The following VAT1L variants were observed in gnomAD, a reference collection of about 807,000 sequenced individuals.
VAT1L encodes the protein vesicle amine transport 1 like.
A neutral mutation model predicts 44.1 loss-of-function variants in VAT1L; 34 were observed. The observed-to-expected ratio is 0.77, with a 90% confidence interval of 0.59 to 1.03. The LOEUF (loss-of-function observed/expected upper bound fraction) is 1.03, where lower values mean the gene tolerates loss of function less well. VAT1L is among the 50% of genes least tolerant of loss of function. The pLI, the probability that VAT1L is intolerant of heterozygous loss-of-function variation, is 0.00. For missense variants in VAT1L, 615 were observed against 538.8 expected (o/e 1.14, Z -1.40); for synonymous variants, 253 against 202.2 (o/e 1.25, Z -2.13).
At chr16:77,931,499 T>A (rs1221644634) in intron 7 of VAT1L, among the ~76,000 whole-genome samples, 1 of 152,148 alleles carries the variant, frequency 6.6e-6, no homozygotes, top group African/African-American at 2.4e-5. Context: ...GAAAGAAGGG[T>A]TCTGTGGTGA....
intron 7 of VAT1L, among the ~76,000 whole-genome samples, chr16:77,916,126 G>T (rs1342846647): frequency 6.6e-6 from 1 of 152,188 alleles, no homozygotes; most frequent in East Asian, 1.9e-4. Flanking sequence ...GAAGAAATGG[G>T]GGTAGTAGCA....
At chr16:77,903,101 C>A (rs1371815590) in intron 7 of VAT1L, among the ~76,000 whole-genome samples, 1 of 152,010 alleles carries the variant, frequency 6.6e-6, no homozygotes, top group African/African-American at 2.4e-5. Context: ...TGAGAATAGT[C>A]CATCTTTGTT....
chr16:77,965,234 G>A (rs1208782874), intron 7 of VAT1L, among the ~76,000 whole-genome samples: 4 of 150,592 alleles, frequency 2.7e-5, no homozygotes, highest in African/African-American at 1.0e-4. Context: ...ATAAATAAAT[G>A]AATGAATGAA....
chr16:77,935,499 T>TAAAA (rs35559626), intron 7 of VAT1L, among the ~76,000 whole-genome samples: 4 of 115,810 alleles, frequency 3.5e-5, no homozygotes, highest in Non-Finnish European at 3.7e-5. Flanking sequence ...TGACGGTTTA[T>TAAAA]AAAAAAAAAA....
At chr16:77,809,562 A>G (rs2016228167) in intron 1 of VAT1L, among the ~76,000 whole-genome samples, 1 of 152,192 alleles carries the variant, frequency 6.6e-6, no homozygotes, top group South Asian at 2.1e-4. Context: ...AGACTCTCAG[A>G]GCTGGGGCCA....
intron 1 of VAT1L, among the ~76,000 whole-genome samples, chr16:77,811,049 A>T (rs1284309252): frequency 6.6e-6 from 1 of 152,210 alleles, no homozygotes; most frequent in African/African-American, 2.4e-5. Context: ...AAAATATAGG[A>T]TGAGGCTCTA....
At chr16:77,790,749 G>C (rs973711437) in intron 1 of VAT1L, among the ~76,000 whole-genome samples, 1 of 152,254 alleles carries the variant, frequency 6.6e-6, no homozygotes, top group Non-Finnish European at 1.5e-5. Context: ...TATTCAGAGA[G>C]GGAAAATGAT....
chr16:77,930,498 G>A (rs1242207089), intron 7 of VAT1L, among the ~76,000 whole-genome samples: 1 of 152,200 alleles, frequency 6.6e-6, no homozygotes, highest in Admixed American at 6.5e-5. Context: ...GTGTGAGGTA[G>A]ATAACCCCTC....
Position 77,884,720 on chromosome 16 carries a change from G to A in VAT1L, c.995G>A (p.Arg332Gln), listed in dbSNP as rs143077114. Residue 332 changes from arginine (R) to glutamine (Q), a missense_variant, in exon 7 of 9, where the codon CGG becomes CAG. Transcript: ENST00000302536. This position sits in a 1 kb window ranked among gnomAD's most constrained non-coding sequence, Gnocchi z 4.5. Reference protein sequence around the residue: ...LFKQGRAGLIRGVVEKLIGLY... With the variant: ...LFKQGRAGLIQGVVEKLIGLY... ...AAACAAGGCCGGGCGGGCCTCATTC[G>A]GGGAGTGGTGGAAAAACTCATAGGG... The A allele has an allele frequency of 4.9e-4, 785 of 1,606,744 alleles. 2 individuals carry two copies. Among genetic ancestry groups the A allele is most frequent in the Non-Finnish European group, 4.6e-4 (540 of 1,176,496 alleles).
At chr16:77,975,093 C>G (rs2018321750) in intron 8 of VAT1L, among the ~76,000 whole-genome samples, 1 of 150,432 alleles carries the variant, frequency 6.6e-6, no homozygotes, top group South Asian at 2.1e-4. Context: ...GGAAACAACT[C>G]AAGCTCCAGG....
chr16:77,821,242 T>C (rs2016448425), intron 2 of VAT1L, among the ~76,000 whole-genome samples: 1 of 152,032 alleles, frequency 6.6e-6, no homozygotes, highest in Admixed American at 6.6e-5. Flanking sequence ...TATAATGGGA[T>C]CTGCATAATT....
intron 1 of VAT1L, among the ~76,000 whole-genome samples, chr16:77,799,492 AC>A: frequency 6.7e-6 from 1 of 148,366 alleles, no homozygotes; most frequent in African/African-American, 2.5e-5. Flanking sequence ...TGACAGCCCC[AC>A]TGGAATACAT....
chr16:77,805,358 A>G (rs1001551755), intron 1 of VAT1L, among the ~76,000 whole-genome samples: 1 of 152,220 alleles, frequency 6.6e-6, no homozygotes, highest in Non-Finnish European at 1.5e-5. Flanking sequence ...ATTTTCTGAG[A>G]TCAATGCCTA....
chr16:77,945,321 CTG>C (rs2017947962), intron 7 of VAT1L, among the ~76,000 whole-genome samples: 2 of 112,480 alleles, frequency 1.8e-5, no homozygotes, highest in Non-Finnish European at 3.4e-5. Flanking sequence ...GTGTCTCACT[CTG>C]TCGTTAATGC....
chr16:77,798,819 G>A (rs1035637395), intron 1 of VAT1L, among the ~76,000 whole-genome samples: 10 of 152,216 alleles, frequency 6.6e-5, no homozygotes, highest in African/African-American at 2.4e-4. Context: ...CTTCTACTGT[G>A]TGCTAGAAAC....
At chr16:77,910,079 T>C (rs2017482396) in intron 7 of VAT1L, among the ~76,000 whole-genome samples, 1 of 152,186 alleles carries the variant, frequency 6.6e-6, no homozygotes, top group Non-Finnish European at 1.5e-5. Context: ...TCAATTAGAG[T>C]TGGAATATTA....
At position 77,879,282 on chromosome 16, in the gene VAT1L, G is replaced by T; in HGVS notation, c.882+58G>T. 2 of 1,564,836 alleles carry T rather than the reference G, an allele frequency of 1.3e-6. No homozygotes were observed. The highest frequency in any genetic ancestry group is 8.8e-7 in the Non-Finnish European group (1 of 1,136,436). On this transcript the variant is annotated intron_variant, in intron 6 of 8. Transcript: ENST00000302536. This position sits in a 1 kb window ranked among gnomAD's most constrained non-coding sequence, Gnocchi z 4.1. The stretch of plus-strand genomic sequence containing the variant: ...TGGCATGTTGATTCACATGTTGAGA[G>T]CTTTGTTTTTGTTTGTTTGTTTGTT...
At chr16:77,855,796 G>C (rs956800588) in intron 3 of VAT1L, among the ~76,000 whole-genome samples, 1 of 152,108 alleles carries the variant, frequency 6.6e-6, no homozygotes, top group Non-Finnish European at 1.5e-5. Context: ...AAGGCGGGCG[G>C]ATCACGAGGT....
rs969908514 is a variant in VAT1L, at chr16:77,905,579, T to C, written c.1077+20777T>C. Among the ~76,000 whole-genome samples the C allele has an allele frequency of 5.3e-5, 8 of 152,322 alleles. No homozygotes were observed. In the East Asian group the frequency reaches 1.5e-3, roughly 29 times the overall value. On this transcript the variant is annotated intron_variant, in intron 7 of 8. Coordinates refer to ENST00000302536, the MANE Select transcript of VAT1L (RefSeq NM_020927.3). ...AGCTGCTGTTTTTAAGTGTCCTCTG[T>C]TGTACCATTATTCACAAGTTGATGT...
Sources: allele counts gnomAD v4.1 joint callset (sites outside exome capture counted in the v4.1 genomes callset), GRCh38; gene constraint gnomAD v4.1.1; non-coding constraint Gnocchi (gnomAD v3.1); transcripts MANE v1.5; gene names NCBI Gene and HGNC (gene_info 2026-07-23, HGNC 2026-07-21).